CFAP141: variants seen among roughly 807,000 people sequenced by gnomAD.
The protein encoded by CFAP141 is cilia and flagella associated protein 141.
At chr1:154,203,070 G>A in the CFAP141 span, among the ~76,000 whole-genome samples, 12 of 144,138 alleles carry the variant, frequency 8.3e-5, no homozygotes, top group Non-Finnish European at 1.4e-4. Context: ...GCAGTGAGCC[G>A]AGATTGCACC....
At chr1:154,199,578 C>G in the CFAP141 span, 1 of 1,062,448 alleles carries the variant, frequency 9.4e-7, no homozygotes, top group African/African-American at 1.6e-5. Context: ...GTTTACCACC[C>G]TTTCTTATTC....
At chr1:154,202,169 C>T in the CFAP141 span, among the ~76,000 whole-genome samples, 1 of 151,966 alleles carries the variant, frequency 6.6e-6, no homozygotes, top group East Asian at 1.9e-4. Flanking sequence ...AACTCCTGAC[C>T]TCATGTAATC....
the CFAP141 span, among the ~76,000 whole-genome samples, chr1:154,202,422 G>A: frequency 6.6e-6 from 1 of 152,126 alleles, no homozygotes; most frequent in Non-Finnish European, 1.5e-5. Flanking sequence ...TATACATCAT[G>A]CATGTACATA....
At chr1:154,200,689 TC>T in the CFAP141 span, 2 of 1,340,736 alleles carry the variant, frequency 1.5e-6, no homozygotes, top group Non-Finnish European at 2.0e-6. Context: ...CTTTTTCTTT[TC>T]TTTTTTTTTG....
chr1:154,199,345 A>C, the CFAP141 span: 1 of 865,068 alleles, frequency 1.2e-6, no homozygotes, highest in East Asian at 2.6e-5. Context: ...ATGTTTTGGG[A>C]AGGAGGTTCA....
At chr1:154,203,028 C>A in the CFAP141 span, among the ~76,000 whole-genome samples, 1 of 145,490 alleles carries the variant, frequency 6.9e-6, no homozygotes, top group South Asian at 2.2e-4. Flanking sequence ...GGCTGGGGCA[C>A]GAGAATCACT....
chr1:154,205,637 C>T, the CFAP141 span: 4 of 1,613,738 alleles, frequency 2.5e-6, no homozygotes, highest in Admixed American at 1.7e-5. Flanking sequence ...CTTTTGAAAA[C>T]TCTGCAAGAA....
At chr1:154,199,903 G>A in the CFAP141 span, among the ~76,000 whole-genome samples, 1 of 152,128 alleles carries the variant, frequency 6.6e-6, no homozygotes, top group Non-Finnish European at 1.5e-5. Flanking sequence ...TTGAGACCAA[G>A]TCTTACGTTG....
chr1:154,203,172 A>AATATATATAT, the CFAP141 span, among the ~76,000 whole-genome samples: 2 of 29,534 alleles, frequency 6.8e-5, no homozygotes, highest in Non-Finnish European at 1.3e-4. Context: ...TGACTGGGCA[A>AATATATATAT]ATATATATAT....
the CFAP141 span, among the ~76,000 whole-genome samples, chr1:154,204,944 C>A: frequency 6.8e-6 from 1 of 148,006 alleles, no homozygotes; most frequent in African/African-American, 2.5e-5. Flanking sequence ...TGCAGTGGTG[C>A]GATCTTGGCT....
At chr1:154,204,906 C>G in the CFAP141 span, among the ~76,000 whole-genome samples, 5 of 141,396 alleles carry the variant, frequency 3.5e-5, no homozygotes, top group Admixed American at 3.8e-4. Context: ...CGGAGTCTTG[C>G]TCTGTCACCC....
chr1:154,203,172 AATATATATATATATATATATATATAT>A, the CFAP141 span, among the ~76,000 whole-genome samples: 762 of 29,524 alleles, frequency 0.026, 45 homozygotes, highest in African/African-American at 0.042. Flanking sequence ...TGACTGGGCA[AATATATATATATATATATATATATAT>A]ATATATATAT....
the CFAP141 span, chr1:154,200,660 G>A: frequency 1.4e-6 from 2 of 1,461,000 alleles, no homozygotes; most frequent in Non-Finnish European, 1.9e-6. Flanking sequence ...AACCCATAGA[G>A]TGAGGCTGTT....
At chr1:154,205,541 A>C in the CFAP141 span, 1 of 1,518,396 alleles carries the variant, frequency 6.6e-7, no homozygotes, top group East Asian at 2.2e-5. Flanking sequence ...CTCAGGGAAG[A>C]CAGCAGAGTG....
the CFAP141 span, chr1:154,206,300 A>G: frequency 6.2e-7 from 1 of 1,614,006 alleles, no homozygotes; most frequent in Admixed American, 1.7e-5. Flanking sequence ...CATCTTTTCC[A>G]CAGACATGTC....
the CFAP141 span, among the ~76,000 whole-genome samples, chr1:154,206,086 C>T: frequency 1.8e-4 from 27 of 152,246 alleles, no homozygotes; most frequent in East Asian, 4.2e-3. Flanking sequence ...AAAGAAAACA[C>T]GCAGGGGTTG....
At chr1:154,200,679 C>A in the CFAP141 span, 6 of 1,382,146 alleles carry the variant, frequency 4.3e-6, no homozygotes, top group Non-Finnish European at 5.9e-6. Flanking sequence ...TTTCTTTTTT[C>A]TTTTTCTTTT....
the CFAP141 span, among the ~76,000 whole-genome samples, chr1:154,203,172 A>AAT: frequency 4.1e-4 from 12 of 29,498 alleles, no homozygotes; most frequent in African/African-American, 5.1e-4. Context: ...TGACTGGGCA[A>AAT]ATATATATAT....
chr1:154,204,671 C>T, the CFAP141 span, among the ~76,000 whole-genome samples: 47 of 152,070 alleles, frequency 3.1e-4, 1 homozygote, highest in South Asian at 4.4e-3. Context: ...AACTGATCCT[C>T]CTGCTTCAGT....
Sources: gnomAD v4.1 joint callset for allele counts (sites outside exome capture counted in the v4.1 genomes callset) on GRCh38, gnomAD v4.1.1 for gene constraint, MANE v1.5 for transcripts, NCBI Gene and HGNC (gene_info 2026-07-23, HGNC 2026-07-21) for gene names.